The following MAPK4 variants were observed in gnomAD, a reference collection of about 807,000 sequenced individuals.
MAPK4 encodes the protein mitogen-activated protein kinase 4.
MAPK4 carries 22 observed loss-of-function variants against 47.7 expected under a neutral mutation model. The observed-to-expected ratio is 0.46, with a 90% CI of 0.33 to 0.66. MAPK4 has a LOEUF of 0.66. Ranked by LOEUF, MAPK4 falls within the 30% of genes least tolerant of loss-of-function variation. The probability of loss-of-function intolerance (pLI) is 0.02; values close to 1 mark genes in which losing one functional copy is unlikely to be tolerated. For missense variants in MAPK4, 736 were observed against 831.7 expected, an observed-to-expected ratio of 0.88 and a Z score of 1.42; for synonymous variants, 390 against 365.7, an observed-to-expected ratio of 1.07 and a Z score of -0.76.
chr18:50,729,756 C>G lies in MAPK4; in HGVS notation c.1666C>G (p.Leu556Val), dbSNP rs575979411. 1.9e-6 allele frequency: 3 copies of G among 1,610,046 alleles called. No individual in the cohort carries two copies. In the African/African-American group the frequency reaches 4.0e-5, roughly 21 times the overall value. The change falls in exon 6 of 6, where the codon CTG becomes GTG. Residue 556 changes from leucine to valine, a missense_variant. Physicochemically the swap from Leu to Val is conservative, Grantham distance 32. Transcript: ENST00000400384. ...GAAGCTCTGCACCAAGCCCGAGGAC[C>G]TGCCGGACAATAAACTGGGCGACCT... is the stretch of plus-strand genomic sequence containing the variant. ...ALKLCTKPED[L>V]PDNKLGDLNG...
chr18:50,710,779 CTAAATAAA>C (rs56152549), intron 2 of MAPK4, among the ~76,000 whole-genome samples: 38,400 of 144,718 alleles, frequency 0.27, 6,647 homozygotes, highest in African/African-American at 0.48. Context: ...GACTCCGTCT[CTAAATAAA>C]TAAATAAATA....
chr18:50,715,005 G>C, intron 2 of MAPK4, 74 bp from the exon 3 acceptor site: 1 of 1,466,904 alleles, frequency 6.8e-7, no homozygotes, highest in Non-Finnish European at 9.4e-7. Flanking sequence ...CATGGGAGGG[G>C]AAACTGGAAG....
chr18:50,652,928 T>C (rs1309551151), intron 1 of MAPK4, among the ~76,000 whole-genome samples: 3 of 152,100 alleles, frequency 2.0e-5, no homozygotes, highest in Non-Finnish European at 4.4e-5. Context: ...ACACCTGTAA[T>C]CCCAGTACCT....
At chr18:50,720,731 G>A (rs866122003) in intron 3 of MAPK4, among the ~76,000 whole-genome samples, 103 of 152,312 alleles carry the variant, frequency 6.8e-4, no homozygotes, top group African/African-American at 2.3e-3. Flanking sequence ...GGGTGGTGTG[G>A]AGTACACATT....
At chr18:50,563,893 T>C (rs2042176044) in intron 1 of MAPK4, among the ~76,000 whole-genome samples, 1 of 152,214 alleles carries the variant, frequency 6.6e-6, no homozygotes, top group African/African-American at 2.4e-5. Flanking sequence ...TGTAGGTCAC[T>C]GTGTTCTCTC....
intron 1 of MAPK4, among the ~76,000 whole-genome samples, chr18:50,608,676 C>T (rs180978337): frequency 6.6e-6 from 1 of 152,108 alleles, no homozygotes; most frequent in Admixed American, 6.6e-5. Flanking sequence ...TATGTTTACC[C>T]CTCCAGCCTG....
intron 3 of MAPK4, among the ~76,000 whole-genome samples, chr18:50,717,528 C>T (rs1910706403): frequency 6.6e-6 from 1 of 152,100 alleles, no homozygotes; most frequent in Non-Finnish European, 1.5e-5. Context: ...CCCCAGCCCC[C>T]TTTCAGAACC....
chr18:50,586,684 G>A (rs1399572700), intron 1 of MAPK4, among the ~76,000 whole-genome samples: 1 of 151,984 alleles, frequency 6.6e-6, no homozygotes, highest in African/African-American at 2.4e-5. Context: ...GTGTACATTA[G>A]CCCTTTTTAT....
chr18:50,628,291 C>T (rs985085269), intron 1 of MAPK4, among the ~76,000 whole-genome samples: 1 of 152,172 alleles, frequency 6.6e-6, no homozygotes, highest in Admixed American at 6.5e-5. Context: ...TCGCTGTTTC[C>T]AAATCCAACA....
intron 1 of MAPK4, among the ~76,000 whole-genome samples, chr18:50,645,789 CT>C (rs1019887027): frequency 6.6e-6 from 1 of 152,148 alleles, no homozygotes; most frequent in Non-Finnish European, 1.5e-5. Flanking sequence ...GGGTGGAAGG[CT>C]GGGGTTTGGG....
chr18:50,644,851 C>T lies in MAPK4; in HGVS notation c.-870-18238C>T, dbSNP rs549012462. The stretch of plus-strand genomic sequence containing the variant: ...ACAGCAAGCGACCTTGGAACCAGGC[C>T]GATAGATGTTTTTTCACCATTTGCA... On this transcript the variant is annotated intron_variant, in intron 1 of 5. Coordinates refer to ENST00000400384, the MANE Select transcript of MAPK4 (RefSeq NM_002747.4). 9.8e-5 allele frequency among the ~76,000 whole-genome samples: 15 copies of T among 152,286 alleles called. No homozygotes were observed. In the East Asian group the frequency reaches 1.5e-3, roughly 16 times the overall value.
chr18:50,576,706 T>C (rs1374356494), intron 1 of MAPK4, among the ~76,000 whole-genome samples: 1 of 152,246 alleles, frequency 6.6e-6, no homozygotes, highest in Admixed American at 6.5e-5. Context: ...CCATTTTTAA[T>C]TAAATCACAT....
chr18:50,636,546 T>C (rs987501479), intron 1 of MAPK4, among the ~76,000 whole-genome samples: 1 of 152,346 alleles, frequency 6.6e-6, no homozygotes, highest in Admixed American at 6.5e-5. Context: ...CTCTCCTGCA[T>C]GAGACCCATG....
At chr18:50,615,749 G>A (rs2042679417) in intron 1 of MAPK4, among the ~76,000 whole-genome samples, 4 of 152,194 alleles carry the variant, frequency 2.6e-5, no homozygotes, top group Admixed American at 2.6e-4. Flanking sequence ...TTAGATTCAA[G>A]GATACAAGGT....
chr18:50,567,017 G>A (rs4939636), intron 1 of MAPK4, among the ~76,000 whole-genome samples: 62,689 of 151,590 alleles, frequency 0.41, 13,920 homozygotes, highest in Non-Finnish European at 0.49. Context: ...GTGTTATTGT[G>A]AACATAATTT....
At chr18:50,589,528 G>A (rs968883477) in intron 1 of MAPK4, among the ~76,000 whole-genome samples, 8 of 151,364 alleles carry the variant, frequency 5.3e-5, no homozygotes, top group African/African-American at 7.3e-5. Flanking sequence ...CCCGGGAGGC[G>A]GAGCTTGCAG....
chr18:50,704,337 T>C (rs888687192), intron 2 of MAPK4, among the ~76,000 whole-genome samples: 10 of 152,162 alleles, frequency 6.6e-5, no homozygotes, highest in African/African-American at 2.4e-5. Flanking sequence ...GGTGAAACCC[T>C]GTCTCTACAG....
chr18:50,657,072 G>C (rs773686009), intron 1 of MAPK4, among the ~76,000 whole-genome samples: 1 of 152,168 alleles, frequency 6.6e-6, no homozygotes, highest in Non-Finnish European at 1.5e-5. Flanking sequence ...CAAGACAGCT[G>C]CTGCAGCACC....
chr18:50,706,784 C>A (rs938577851), intron 2 of MAPK4, among the ~76,000 whole-genome samples: 1 of 152,178 alleles, frequency 6.6e-6, no homozygotes, highest in African/African-American at 2.4e-5. Context: ...AGAAGCAGCC[C>A]AACCAAATCA....
Sources: allele counts gnomAD v4.1 joint callset (sites outside exome capture counted in the v4.1 genomes callset), GRCh38; gene constraint gnomAD v4.1.1; transcripts MANE v1.5; gene names NCBI Gene and HGNC (gene_info 2026-07-23, HGNC 2026-07-21).